Variants in DAAM2 observed in about 807,000 individuals in gnomAD.
The protein encoded by DAAM2 is dishevelled associated activator of morphogenesis 2.
Under a neutral mutation model 120.7 loss-of-function variants are expected in DAAM2, and 39 were observed. The ratio of observed to expected loss-of-function variants is 0.32; its 90% CI spans 0.25 to 0.42. DAAM2 has a LOEUF of 0.42. DAAM2 is among the 10% of genes least tolerant of loss of function. DAAM2 has a pLI of 1.00. For missense variants in DAAM2, 1,283 were observed against 1,401.7 expected (o/e 0.92, Z 1.35); for synonymous variants, 488 against 524.9 (o/e 0.93, Z 0.96).
chr6:39,851,457 G>A (rs971344334), intron 1 of DAAM2, among the ~76,000 whole-genome samples: 2 of 152,194 alleles, frequency 1.3e-5, no homozygotes, highest in South Asian at 2.1e-4. Context: ...ATAAAATGTC[G>A]ACATAGCCAG....
chr6:39,855,770 G>C (rs1016914785), intron 1 of DAAM2, among the ~76,000 whole-genome samples: 1 of 152,186 alleles, frequency 6.6e-6, no homozygotes, highest in Non-Finnish European at 1.5e-5. Context: ...TCCTCTGCCA[G>C]CCTTCTTCAA....
chr6:39,803,669 C>A (rs1408227605), intron 1 of DAAM2, among the ~76,000 whole-genome samples: 2 of 152,152 alleles, frequency 1.3e-5, no homozygotes, highest in Non-Finnish European at 2.9e-5. Context: ...CATATTGGAT[C>A]CCATGGTGAC....
Position 39,878,773 on chromosome 6 carries a change from A to T in DAAM2, c.1545+185A>T, listed in dbSNP as rs557060773. ...GTGGCATCTTTGTGTTAGAAAAATA[A>T]TGTCCCTTCCTCTGGGTGACACTGT... On this transcript the variant is annotated intron_variant, in intron 13 of 24. Coordinates refer to ENST00000274867, the MANE Select transcript of DAAM2 (RefSeq NM_001201427.2). This position sits in a 1 kb window ranked among gnomAD's most constrained non-coding sequence, Gnocchi z 5.0. Among the ~76,000 whole-genome samples the T allele has an allele frequency of 1.3e-5, 2 of 152,260 alleles. No homozygotes were observed. The highest frequency in any genetic ancestry group is 3.9e-4 in the East Asian group (2 of 5,158).
chr6:39,824,739 G>A (rs1021199117), intron 1 of DAAM2, among the ~76,000 whole-genome samples: 1 of 152,126 alleles, frequency 6.6e-6, no homozygotes, highest in African/African-American at 2.4e-5. Flanking sequence ...GTGCCTTCTC[G>A]GCAAGAGCAG....
In DAAM2 at chr6:39,901,233, C is replaced by A. The variant is rs1442496985; in HGVS notation, c.2812-69C>A. ...GGGCTCTGCTCTGGCTAGAACCCAG[C>A]TAACCTCAGGGGCTGAGCCCAGCAT... is the stretch of plus-strand genomic sequence containing the variant. On this transcript the variant is annotated intron_variant, in intron 23 of 24. Transcript: ENST00000274867. The surrounding 1 kb of genome is among the most constrained non-coding windows in gnomAD (Gnocchi z 4.5). 6 of 1,475,404 alleles carry A rather than the reference C, an allele frequency of 4.1e-6. No individual in the cohort carries two copies. The highest frequency in any genetic ancestry group is 4.7e-6 in the Non-Finnish European group (5 of 1,072,716). The allele number at this position is 1,475,404 out of a possible 1,614,324, so 91.4% of individuals were successfully genotyped here.
Position 39,901,439 on chromosome 6 carries a change from G to A in DAAM2, c.2949G>A (p.Glu983=), listed in dbSNP as rs769493393. The change falls in exon 24 of 25, where the codon GAG becomes GAA. Residue 983 remains glutamate (E), a synonymous_variant. Coordinates refer to ENST00000274867, the MANE Select transcript of DAAM2 (RefSeq NM_001201427.2). This position sits in a 1 kb window ranked among gnomAD's most constrained non-coding sequence, Gnocchi z 4.5. ...TAGAGGCCATGAGGAGGAGGAAGGA[G>A]GAGGAGGAGCGGCGGGCGCGCATGG... ...QDLEAMRRRK[E]EEERRARMEA... The A allele has an allele frequency of 1.1e-4, 174 of 1,612,614 alleles. 1 individual carries two copies. Among genetic ancestry groups the A allele is most frequent in the Non-Finnish European group, 1.4e-4 (164 of 1,179,792 alleles).
In DAAM2 at chr6:39,856,347, C is replaced by T. The variant is rs369889524; in HGVS notation, c.45C>T (p.Cys15=). The T allele has an allele frequency of 1.9e-6, 3 of 1,554,056 alleles. No individual in the cohort carries two copies. Among genetic ancestry groups the T allele is most frequent in the Non-Finnish European group, 1.7e-6 (2 of 1,149,846 alleles). Residue 15 remains cysteine (C), a synonymous_variant, in exon 2 of 25, where the codon TGC becomes TGT. Transcript: ENST00000274867. The part of the protein sequence containing the change: ...KRSHHGLGFL[C]CFGGSDIPEI... ...GCCACCATGGCCTGGGCTTCCTGTG[C>T]TGCTTCGGGGGCAGTGACATCCCCG...
intron 1 of DAAM2, among the ~76,000 whole-genome samples, chr6:39,827,115 C>G (rs561152532): frequency 5.8e-4 from 88 of 152,038 alleles, no homozygotes; most frequent in Non-Finnish European, 4.9e-4. Flanking sequence ...TCAGGAGAAA[C>G]CAGGAAGCAA....
At chr6:39,819,919 C>T (rs1422683585) in intron 1 of DAAM2, 1 of 152,278 alleles carries the variant, frequency 6.6e-6, no homozygotes, top group Non-Finnish European at 1.5e-5. Flanking sequence ...CACATAGCAT[C>T]AGATAGGGAA....
intron 22 of DAAM2, 161 bp downstream of exon 22, chr6:39,899,098 T>C (rs559884620): frequency 1.9e-5 from 12 of 633,344 alleles, no homozygotes; most frequent in Middle Eastern, 2.6e-4. Flanking sequence ...GGGCTTAAGT[T>C]TGAGCCTTTT....
chr6:39,901,518 CT>C lies in DAAM2; in HGVS notation c.2982+48del, dbSNP rs755148186. On this transcript the variant is annotated intron_variant, in intron 24 of 24. Coordinates refer to ENST00000274867, the MANE Select transcript of DAAM2 (RefSeq NM_001201427.2). This position sits in a 1 kb window ranked among gnomAD's most constrained non-coding sequence, Gnocchi z 4.5. ...TGGGACTGAGGGGAGACGGGTGCTA[CT>C]TGGGGAGAACACCCCCAAACTGGGG... 6.4e-7 allele frequency: 1 copy of C among 1,569,912 alleles called. No individual in the cohort carries two copies. Among genetic ancestry groups the C allele is most frequent in the Non-Finnish European group, 8.6e-7 (1 of 1,162,552 alleles).
At chr6:39,834,394 TC>T (rs1201982563) in intron 1 of DAAM2, among the ~76,000 whole-genome samples, 8 of 152,334 alleles carry the variant, frequency 5.3e-5, no homozygotes, top group African/African-American at 1.9e-4. Flanking sequence ...GATGTGGACA[TC>T]CTTCAACTCC....
chr6:39,856,362 T>G lies in DAAM2; in HGVS notation c.60T>G (p.Ser20Arg). ...GCTTCCTGTGCTGCTTCGGGGGCAG[T>G]GACATCCCCGAAATCAACCTCCGGG... Reference protein sequence around the residue: ...GLGFLCCFGGSDIPEINLRDN... With the variant: ...GLGFLCCFGGRDIPEINLRDN... Residue 20 changes from serine (S) to arginine (R), a missense_variant, in exon 2 of 25, where the codon AGT (serine) becomes AGG (arginine). By Grantham distance (110) the Ser-to-Arg change is moderately radical. Around this residue, in one of 3 missense-constraint regions of DAAM2, gnomAD observed 197 missense variants for 189.3 expected, o/e 1.04. Coordinates refer to ENST00000274867, the MANE Select transcript of DAAM2 (RefSeq NM_001201427.2). The G allele has an allele frequency of 6.4e-7, 1 of 1,554,608 alleles. No individual in the cohort carries two copies. Among genetic ancestry groups the G allele is most frequent in the South Asian group, 1.2e-5 (1 of 82,868 alleles).
intron 21 of DAAM2, 197 bp downstream of exon 21, chr6:39,897,479 T>A (rs1248490239): frequency 2.0e-6 from 1 of 502,714 alleles, no homozygotes; most frequent in South Asian, 2.3e-5. Flanking sequence ...AAAGAAGATA[T>A]CTTGTGAGTT....
At chr6:39,834,883 G>C (rs1763047591) in intron 1 of DAAM2, among the ~76,000 whole-genome samples, 1 of 152,086 alleles carries the variant, frequency 6.6e-6, no homozygotes, top group Non-Finnish European at 1.5e-5. Context: ...GCCAACGCAC[G>C]GGCTCAGTTT....
At chr6:39,855,843 A>G (rs1763978367) in intron 1 of DAAM2, among the ~76,000 whole-genome samples, 2 of 152,160 alleles carry the variant, frequency 1.3e-5, no homozygotes, top group Admixed American at 6.5e-5. Flanking sequence ...AAATGAATCA[A>G]GTGAGTAAGT....
chr6:39,867,905 T>G, intron 6 of DAAM2, 62 bp downstream of exon 6: 1 of 1,380,462 alleles, frequency 7.2e-7, no homozygotes, highest in South Asian at 1.3e-5. Flanking sequence ...CACATGTGAG[T>G]GAGAGCCTGA....
intron 7 of DAAM2, 124 bp from the exon 8 acceptor site, chr6:39,870,216 C>G (rs549473617): frequency 4.6e-6 from 3 of 647,656 alleles, no homozygotes; most frequent in Non-Finnish European, 8.4e-6. Context: ...GGAAGCAGCT[C>G]CAGGTGAGTT....
intron 1 of DAAM2, among the ~76,000 whole-genome samples, chr6:39,798,066 A>G (rs1398727133): frequency 1.3e-5 from 2 of 152,194 alleles, no homozygotes; most frequent in Non-Finnish European, 2.9e-5. Flanking sequence ...AGCTGAAAAC[A>G]TTTACCATCT....
Sources: gnomAD v4.1 joint callset for allele counts (sites outside exome capture counted in the v4.1 genomes callset) on GRCh38, gnomAD v4.1.1 for gene constraint, gnomAD v4.1.1 regional missense constraint, Gnocchi (gnomAD v3.1) non-coding constraint, MANE v1.5 for transcripts, NCBI Gene and HGNC (gene_info 2026-07-23, HGNC 2026-07-21) for gene names.